ARL6IP6: variants seen among roughly 807,000 people sequenced by gnomAD.
ARL6IP6 encodes ADP-ribosylation factor-like protein 6-interacting protein 6.
ARL6IP6 carries 22 observed loss-of-function variants against 21.5 expected under a neutral mutation model. The ratio of observed to expected loss-of-function variants is 1.02; its 90% CI spans 0.73 to 1.46. ARL6IP6 has a LOEUF of 1.46. ARL6IP6 is among the 40% of genes most tolerant of loss of function. The pLI, the probability that ARL6IP6 is intolerant of heterozygous loss-of-function variation, is 0.00. For synonymous variants in ARL6IP6, 164 were observed against 125.3 expected (o/e 1.31, Z -2.06); for missense variants, 388 against 299.8 (o/e 1.29, Z -2.17).
intron 3 of ARL6IP6, among the ~76,000 whole-genome samples, chr2:152,744,883 G>A (rs994713294): frequency 6.6e-6 from 1 of 152,142 alleles, no homozygotes; most frequent in Non-Finnish European, 1.5e-5. Context: ...TAAATTGTAA[G>A]TGAGAAAGAA....
chr2:152,738,738 G>A (rs1359597129), intron 3 of ARL6IP6, among the ~76,000 whole-genome samples: 1 of 152,126 alleles, frequency 6.6e-6, no homozygotes, highest in Non-Finnish European at 1.5e-5. Context: ...CTTGTGATGG[G>A]AGAGGCTGCT....
Position 152,759,979 on chromosome 2 carries a change from CATT to C in ARL6IP6, c.*142_*144del. 4.5e-6 allele frequency: 3 copies of C among 665,350 alleles called. No individual in the cohort carries two copies. In the South Asian group the frequency reaches 5.7e-5, roughly 13 times the overall value. 41.2% of individuals were successfully genotyped at this position (665,350 alleles called of 1,614,324 possible). A position where few individuals can be genotyped will look rare whatever the true frequency, so the allele number is the denominator to read the frequency against. On this transcript the variant is annotated 3_prime_UTR_variant, in exon 4 of 4. Coordinates refer to ENST00000326446, the MANE Select transcript of ARL6IP6 (RefSeq NM_152522.7). ...TTCAGATATTTATCACAATCATCCT[CATT>C]ATGGAAGACCTTTTAAAGCATTGTT...
intron 2 of ARL6IP6, among the ~76,000 whole-genome samples, chr2:152,721,928 A>G (rs1699811900): frequency 6.6e-6 from 1 of 152,206 alleles, no homozygotes; most frequent in Non-Finnish European, 1.5e-5. Context: ...TTATCAGTGT[A>G]TGTTTTTACA....
chr2:152,737,751 A>C (rs1234306065), intron 3 of ARL6IP6, among the ~76,000 whole-genome samples: 1 of 152,140 alleles, frequency 6.6e-6, no homozygotes, highest in African/African-American at 2.4e-5. Context: ...ATTACCTCCC[A>C]CACGGTCCCT....
At position 152,759,729 on chromosome 2, in the gene ARL6IP6, G is replaced by A. The variant is rs1319309735; in HGVS notation, c.588-18G>A. 5.6e-6 allele frequency: 9 copies of A among 1,599,994 alleles called. No homozygotes were observed. Among genetic ancestry groups the A allele is most frequent in the African/African-American group, 1.3e-5 (1 of 74,392 alleles). On this transcript the variant is annotated intron_variant, in intron 3 of 3. Coordinates refer to ENST00000326446, the MANE Select transcript of ARL6IP6 (RefSeq NM_152522.7). ...GTTACATTTTTCTTTTTTGATTTGTGTTTTTCTTTTTTTCTAGGAAACTGA... is the reference window on the plus strand; with the variant it reads ...GTTACATTTTTCTTTTTTGATTTGTATTTTTCTTTTTTTCTAGGAAACTGA...
intron 3 of ARL6IP6, among the ~76,000 whole-genome samples, chr2:152,754,032 T>TTTTTTTG (rs950725483): frequency 1.3e-5 from 2 of 151,694 alleles, no homozygotes; most frequent in South Asian, 4.2e-4. Context: ...CAGTAAAGTG[T>TTTTTTTG]TTTTTTGTTT....
intron 3 of ARL6IP6, among the ~76,000 whole-genome samples, chr2:152,741,319 A>G (rs1301099302): frequency 6.6e-6 from 1 of 152,038 alleles, no homozygotes; most frequent in African/African-American, 2.4e-5. Flanking sequence ...ACTTTTTTGT[A>G]AGAGAGTAAA....
chr2:152,751,582 A>G (rs187540234), intron 3 of ARL6IP6, among the ~76,000 whole-genome samples: 1 of 151,948 alleles, frequency 6.6e-6, no homozygotes, highest in East Asian at 1.9e-4. Context: ...TTCTACTTCT[A>G]TGAGCTCATT....
At chr2:152,734,764 GTA>G (rs1700476888) in intron 2 of ARL6IP6, among the ~76,000 whole-genome samples, 1 of 151,928 alleles carries the variant, frequency 6.6e-6, no homozygotes, top group Non-Finnish European at 1.5e-5. Context: ...TTTTTCCCAC[GTA>G]TTATCATTTA....
intron 2 of ARL6IP6, among the ~76,000 whole-genome samples, chr2:152,724,495 A>G (rs1197024375): frequency 6.6e-6 from 1 of 152,220 alleles, no homozygotes; most frequent in Non-Finnish European, 1.5e-5. Flanking sequence ...CAGAAAAAGA[A>G]TGGGTTATCA....
chr2:152,745,553 ATTT>A lies in ARL6IP6; in HGVS notation c.587+10428_587+10430del, dbSNP rs202220726. Among the ~76,000 whole-genome samples the A allele has an allele frequency of 6.9e-3, 1,044 of 152,292 alleles. 13 individuals are homozygous for A. The highest frequency in any genetic ancestry group is 0.023 in the African/African-American group (972 of 41,562). The stretch of plus-strand genomic sequence containing the variant: ...GAAATTTCTTTTCCATGCAGACTAG[ATTT>A]AACATTGAGCACAGTGAATTGACTC... On this transcript the variant is annotated intron_variant, in intron 3 of 3. Coordinates refer to ENST00000326446, the MANE Select transcript of ARL6IP6 (RefSeq NM_152522.7).
At chr2:152,730,574 G>A (rs542663681) in intron 2 of ARL6IP6, among the ~76,000 whole-genome samples, 4 of 152,150 alleles carry the variant, frequency 2.6e-5, no homozygotes, top group African/African-American at 7.2e-5. Flanking sequence ...TAGATTGGTA[G>A]GAAGGTTATT....
rs1262607371 is a variant in ARL6IP6 at position 152,728,480 on chromosome 2, G to A, written c.455-6514G>A. Among the ~76,000 whole-genome samples the A allele has an allele frequency of 7.2e-5, 11 of 152,138 alleles. No individual in the cohort carries two copies. In the East Asian group the frequency reaches 1.2e-3, roughly 16 times the overall value. ...ACTTCTTGAAAGTTGCCTCATCCCC[G>A]TAAGCTAAAACTGTTAAACAAAATG... is the stretch of plus-strand genomic sequence containing the variant. On this transcript the variant is annotated intron_variant, in intron 2 of 3. Transcript: ENST00000326446.
rs774016303 is a variant in ARL6IP6 at position 152,718,948 on chromosome 2, C to T, written c.324C>T (p.Val108=). The T allele has an allele frequency of 1.9e-6, 3 of 1,609,690 alleles. No homozygotes were observed. Among genetic ancestry groups the T allele is most frequent in the South Asian group, 1.1e-5 (1 of 90,486 alleles). ...AGCCTCGGCGGTGGCCGGTCCAGGT[C>T]CTCTCTATTCTCTGCTCGCTGCTCT... ...RAQPRRWPVQ[V]LSILCSLLFA... The change falls in exon 1 of 4, where the codon GTC becomes GTT. Residue 108 remains valine (V), a synonymous_variant. Transcript: ENST00000326446.
At chr2:152,730,668 A>C (rs1700267174) in intron 2 of ARL6IP6, among the ~76,000 whole-genome samples, 1 of 152,154 alleles carries the variant, frequency 6.6e-6, no homozygotes, top group African/African-American at 2.4e-5. Flanking sequence ...GAAGGTGCAG[A>C]CTAATCCTCA....
intron 2 of ARL6IP6, among the ~76,000 whole-genome samples, chr2:152,730,548 T>G (rs1247605876): frequency 6.6e-6 from 1 of 152,180 alleles, no homozygotes. Context: ...TTTTTTTTTT[T>G]TACCCTCTAT....
intron 3 of ARL6IP6, among the ~76,000 whole-genome samples, chr2:152,756,285 T>G (rs193055124): frequency 7.4e-4 from 112 of 152,296 alleles, no homozygotes; most frequent in African/African-American, 2.5e-3. Flanking sequence ...AAATTCATTC[T>G]TTTGTGTTCA....
At chr2:152,754,953 A>G (rs1357189933) in intron 3 of ARL6IP6, among the ~76,000 whole-genome samples, 1 of 152,148 alleles carries the variant, frequency 6.6e-6, no homozygotes, top group Non-Finnish European at 1.5e-5. Flanking sequence ...ATATAAAATA[A>G]GAATAGTTAT....
intron 2 of ARL6IP6, among the ~76,000 whole-genome samples, chr2:152,723,564 C>G (rs563049209): frequency 6.6e-6 from 1 of 152,226 alleles, no homozygotes; most frequent in East Asian, 1.9e-4. Flanking sequence ...AACTGCTCTA[C>G]CATGAAAGAG....
Sources: allele counts gnomAD v4.1 joint callset (sites outside exome capture counted in the v4.1 genomes callset), GRCh38; gene constraint gnomAD v4.1.1; transcripts MANE v1.5; gene names NCBI Gene and HGNC (gene_info 2026-07-23, HGNC 2026-07-21).